The following SLC49A4 variants were observed in gnomAD, a reference collection of about 807,000 sequenced individuals.
SLC49A4 encodes solute carrier family 49 member 4, also known as disrupted in renal cancer protein 2.
SLC49A4 carries 36 observed loss-of-function variants against 50.6 expected under a neutral mutation model. The ratio of observed to expected loss-of-function variants is 0.71; its 90% CI spans 0.55 to 0.94. The LOEUF (loss-of-function observed/expected upper bound fraction) is 0.94. SLC49A4 is among the 40% of genes least tolerant of loss of function. The probability of loss-of-function intolerance (pLI) is 0.00; values close to 1 mark genes in which losing one functional copy is unlikely to be tolerated. For synonymous variants in SLC49A4, 248 were observed against 241.2 expected, an observed-to-expected ratio of 1.03 and a Z score of -0.26; for missense variants, 503 against 605.7, an observed-to-expected ratio of 0.83 and a Z score of 1.78.
At chr3:122,808,399 A>G (rs1369053147) in intron 2 of SLC49A4, among the ~76,000 whole-genome samples, 1 of 152,232 alleles carries the variant, frequency 6.6e-6, no homozygotes, top group Non-Finnish European at 1.5e-5. Flanking sequence ...CTGGGAAGAT[A>G]ACCTTTTGGG....
chr3:122,807,011 A>G, intron 2 of SLC49A4, 61 bp downstream of exon 2: 2 of 1,019,830 alleles, frequency 2.0e-6, no homozygotes, highest in Non-Finnish European at 1.5e-6. Flanking sequence ...ATAAATTTTT[A>G]AGAAGATCAG....
chr3:122,866,528 C>CGTG (rs1447509670), intron 7 of SLC49A4, among the ~76,000 whole-genome samples: 5 of 152,120 alleles, frequency 3.3e-5, no homozygotes, highest in Admixed American at 6.6e-5. Context: ...CAAGAGAAGA[C>CGTG]ATCACCTGTT....
In SLC49A4 at chr3:122,880,941, C is replaced by T. The variant is rs1937331094; in HGVS notation, c.*1563C>T. 6.6e-6 allele frequency: 1 copy of T among 152,120 alleles called. No homozygotes were observed. Among genetic ancestry groups the T allele is most frequent in the Non-Finnish European group, 1.5e-5 (1 of 68,050 alleles). The allele number at this position is 152,120 out of a possible 1,614,324, so 9.4% of individuals were successfully genotyped here. A position where few individuals can be genotyped will look rare whatever the true frequency, so the allele number is the denominator to read the frequency against. On this transcript the variant is annotated 3_prime_UTR_variant, in exon 9 of 9. Coordinates refer to ENST00000261038, the MANE Select transcript of SLC49A4 (RefSeq NM_032839.3). ...ACTTCTAAGACCCTAACTTGTGAAA[C>T]TAGGGAAGTAAGAAACCGTTCAAAT...
chr3:122,806,889 C>T lies in SLC49A4; in HGVS notation c.376C>T (p.Leu126Phe). The T allele has an allele frequency of 1.2e-6, 2 of 1,610,698 alleles. No homozygotes were observed. Among genetic ancestry groups the T allele is most frequent in the Non-Finnish European group, 8.5e-7 (1 of 1,177,302 alleles). ...GATAACTGTGCTCCTGACATCCTTCCTTATGGTTTTGGGAACTGGTCTAAG... is the reference window on the plus strand; with the variant it reads ...GATAACTGTGCTCCTGACATCCTTCTTTATGGTTTTGGGAACTGGTCTAAG... ...LRITVLLTSF[L>F]MVLGTGLRCI... Residue 126 changes from leucine (L) to phenylalanine (F), a missense_variant, in exon 2 of 9, where the codon CTT becomes TTT. Transcript: ENST00000261038.
intron 2 of SLC49A4, among the ~76,000 whole-genome samples, chr3:122,818,948 C>G (rs1242877353): frequency 3.3e-5 from 5 of 150,358 alleles, no homozygotes; most frequent in Admixed American, 2.6e-4. Context: ...TTCTGTCCCC[C>G]CCAAAAAAAA....
At chr3:122,808,274 A>C (rs1048176386) in intron 2 of SLC49A4, among the ~76,000 whole-genome samples, 4 of 152,324 alleles carry the variant, frequency 2.6e-5, no homozygotes, top group Non-Finnish European at 5.9e-5. Context: ...ACCAGCAATA[A>C]ACTAGATAAA....
At chr3:122,856,491 A>C (rs1240721523) in intron 6 of SLC49A4, 117 bp downstream of exon 6, 1 of 913,646 alleles carries the variant, frequency 1.1e-6, no homozygotes, top group East Asian at 2.5e-5. Flanking sequence ...AGCAAAGGTC[A>C]GAAAGGGGTA....
intron 3 of SLC49A4, among the ~76,000 whole-genome samples, chr3:122,827,868 A>G (rs1936555477): frequency 6.6e-6 from 1 of 152,230 alleles, no homozygotes; most frequent in African/African-American, 2.4e-5. Flanking sequence ...AAAGGCTTCA[A>G]CAAGAATGTA....
intron 2 of SLC49A4, among the ~76,000 whole-genome samples, chr3:122,819,243 C>CAAAAA (rs777101254): frequency 9.9e-6 from 1 of 100,582 alleles, no homozygotes; most frequent in Admixed American, 1.1e-4. Context: ...GACCCTGCCT[C>CAAAAA]AAAAAAAAAA....
intron 7 of SLC49A4, among the ~76,000 whole-genome samples, chr3:122,861,264 CTT>C (rs1288146849): frequency 6.6e-6 from 1 of 152,124 alleles, no homozygotes; most frequent in Non-Finnish European, 1.5e-5. Flanking sequence ...TCATGAATAT[CTT>C]TAGGGGAGGG....
chr3:122,864,507 A>G (rs999841168), intron 7 of SLC49A4, among the ~76,000 whole-genome samples: 10 of 152,208 alleles, frequency 6.6e-5, no homozygotes, highest in African/African-American at 2.4e-4. Context: ...GAAACAGTAT[A>G]ATTTGACTGT....
chr3:122,874,347 C>G (rs538899582), intron 8 of SLC49A4, among the ~76,000 whole-genome samples: 2 of 152,320 alleles, frequency 1.3e-5, no homozygotes, highest in East Asian at 3.9e-4. Flanking sequence ...GCTCATTCCT[C>G]ATTTTGCAAA....
At chr3:122,858,174 G>A (rs189097341) in intron 6 of SLC49A4, among the ~76,000 whole-genome samples, 7 of 152,200 alleles carry the variant, frequency 4.6e-5, no homozygotes, top group East Asian at 1.9e-4. Context: ...ATACTTCTTC[G>A]TCCTAATAAT....
chr3:122,850,416 A>G (rs1189298745), intron 5 of SLC49A4, among the ~76,000 whole-genome samples: 1 of 152,214 alleles, frequency 6.6e-6, no homozygotes, highest in Non-Finnish European at 1.5e-5. Flanking sequence ...TGGCAAAGAT[A>G]TCTTGGGGTA....
Position 122,805,452 on chromosome 3 carries a change from G to C in SLC49A4, c.344-1405G>C, listed in dbSNP as rs534417844. 1.8e-4 allele frequency among the ~76,000 whole-genome samples: 27 copies of C among 152,210 alleles called. No homozygotes were observed. In the Middle Eastern group the frequency reaches 0.024, roughly 134 times the overall value. On this transcript the variant is annotated intron_variant, in intron 1 of 8. Transcript: ENST00000261038. ...TGACTTTCAATTTTCTTCAAGGAGA[G>C]TAGCTCTTTAAAAACCAAACATTTA...
intron 1 of SLC49A4, among the ~76,000 whole-genome samples, chr3:122,797,116 G>C (rs2107552632): frequency 6.6e-6 from 1 of 152,318 alleles, no homozygotes; most frequent in African/African-American, 2.4e-5. Context: ...CTAAGGAATA[G>C]TTGATTGTGA....
chr3:122,846,041 C>T (rs1057156464), intron 5 of SLC49A4, among the ~76,000 whole-genome samples, 170 bp downstream of exon 5: 2 of 152,080 alleles, frequency 1.3e-5, no homozygotes, highest in Non-Finnish European at 2.9e-5. Flanking sequence ...GTTGATTTTC[C>T]TCCTTGATTT....
At chr3:122,856,273 C>A (rs753635321) in intron 5 of SLC49A4, 34 bp from the exon 6 acceptor site, 3 of 1,607,746 alleles carry the variant, frequency 1.9e-6, no homozygotes, top group Non-Finnish European at 2.6e-6. Context: ...GTATGATTGT[C>A]TTGTATTAAA....
At chr3:122,796,930 A>G (rs1314654245) in intron 1 of SLC49A4, among the ~76,000 whole-genome samples, 3 of 152,240 alleles carry the variant, frequency 2.0e-5, no homozygotes, top group African/African-American at 7.2e-5. Flanking sequence ...GAACACATTC[A>G]GACCTCAGCA....
Sources: allele counts gnomAD v4.1 joint callset (sites outside exome capture counted in the v4.1 genomes callset), GRCh38; gene constraint gnomAD v4.1.1; transcripts MANE v1.5; gene names NCBI Gene and HGNC (gene_info 2026-07-23, HGNC 2026-07-21).